Variants in SEMA5A observed in about 807,000 individuals in gnomAD.
SEMA5A encodes the protein semaphorin 5A.
Under a neutral mutation model 135.5 loss-of-function variants are expected in SEMA5A, and 55 were observed. That is an observed-to-expected ratio of 0.41 (90% CI 0.33 to 0.51). SEMA5A has a LOEUF of 0.51. Among genes scored for constraint, SEMA5A ranks in the 20% least tolerant of loss-of-function variants. The pLI is 0.37. For synonymous variants in SEMA5A, 580 were observed against 546.5 expected (o/e 1.06, Z -0.85); for missense variants, 1,290 against 1,419.9 (o/e 0.91, Z 1.47).
At chr5:9,184,530 C>A (rs1744704403) in intron 11 of SEMA5A, among the ~76,000 whole-genome samples, 1 of 152,154 alleles carries the variant, frequency 6.6e-6, no homozygotes, top group Non-Finnish European at 1.5e-5. Flanking sequence ...ATATTTAAAA[C>A]CTTATCTTTT....
Position 9,042,518 on chromosome 5 carries a change from CTA to C in SEMA5A, c.*377_*378del. ...GGAGCAGGTCTTTCAGAGAAAGTGC[CTA>C]TTTTCTTGAATTACAACATCATGAA... On this transcript the variant is annotated 3_prime_UTR_variant, in exon 23 of 23. Transcript: ENST00000382496. 1 of 231,506 alleles carries C rather than the reference CTA, an allele frequency of 4.3e-6. No homozygotes were observed. The highest frequency in any genetic ancestry group is 6.2e-5 in the South Asian group (1 of 16,220). The allele number at this position is 231,506 out of a possible 1,614,324, so 14.3% of individuals were successfully genotyped here.
intron 1 of SEMA5A, among the ~76,000 whole-genome samples, chr5:9,445,394 G>A (rs1758394432): frequency 6.6e-6 from 1 of 151,964 alleles, no homozygotes; most frequent in Admixed American, 6.6e-5. Context: ...AGTGGGCCGG[G>A]CACGGTGGCT....
chr5:9,295,057 C>T (rs1239764438), intron 5 of SEMA5A, among the ~76,000 whole-genome samples: 1 of 152,176 alleles, frequency 6.6e-6, no homozygotes, highest in Non-Finnish European at 1.5e-5. Context: ...TCCAGTGCTT[C>T]TGGGATCGGA....
intron 2 of SEMA5A, among the ~76,000 whole-genome samples, chr5:9,435,979 G>T (rs1366180362): frequency 1.3e-5 from 2 of 152,136 alleles, no homozygotes; most frequent in Non-Finnish European, 1.5e-5. Context: ...TCTTATTCTA[G>T]GGAGGCATGG....
chr5:9,192,787 G>A (rs1448507955), intron 10 of SEMA5A, among the ~76,000 whole-genome samples: 1 of 152,190 alleles, frequency 6.6e-6, no homozygotes, highest in Non-Finnish European at 1.5e-5. Context: ...AATCAGTGGT[G>A]ATACCCAAGT....
chr5:9,465,951 G>A (rs1270395082), intron 1 of SEMA5A, among the ~76,000 whole-genome samples: 1 of 152,230 alleles, frequency 6.6e-6, no homozygotes, highest in Non-Finnish European at 1.5e-5. Flanking sequence ...GAACTTCAGA[G>A]AGACGTCCAG....
intron 1 of SEMA5A, among the ~76,000 whole-genome samples, chr5:9,456,151 C>A (rs550837313): frequency 6.6e-6 from 1 of 152,360 alleles, no homozygotes; most frequent in East Asian, 1.9e-4. Flanking sequence ...TTTCTAGATT[C>A]CCTGAAGAAT....
chr5:9,456,030 C>A (rs1230241039), intron 1 of SEMA5A, among the ~76,000 whole-genome samples: 2 of 152,190 alleles, frequency 1.3e-5, no homozygotes, highest in Non-Finnish European at 2.9e-5. Flanking sequence ...AGAGGAGGTG[C>A]TTAAAAAGAA....
intron 8 of SEMA5A, among the ~76,000 whole-genome samples, chr5:9,212,054 G>A (rs764741728): frequency 5.3e-5 from 8 of 152,200 alleles, no homozygotes; most frequent in East Asian, 1.9e-4. Context: ...ATAAGGCTAC[G>A]TGGATTAGAT....
Position 9,119,016 on chromosome 5 carries a change from C to T in SEMA5A, c.1907G>A (p.Gly636Glu), listed in dbSNP as rs1320953769. Residue 636 changes from glycine (G) to glutamate (E), a missense_variant, in exon 15 of 23, where the codon GGA (glycine) becomes GAA (glutamate). This residue lies in a region of SEMA5A where 1,029 missense variants were observed against 1,086.6 expected (regional missense o/e 0.95). Coordinates refer to ENST00000382496, the MANE Select transcript of SEMA5A (RefSeq NM_003966.3). Reference sequence around the variant, plus strand: ...CACGTACCTTTCCTCGCGGTTCTGTCCCACGCACACCCGGCCCCCGTGCCT... The same window carrying T: ...CACGTACCTTTCCTCGCGGTTCTGTTCCACGCACACCCGGCCCCCGTGCCT... ...TPRHGGRVCVGQNREERYCNE... is the reference protein window; with the variant it reads ...TPRHGGRVCVEQNREERYCNE... 1 of 1,613,440 alleles carries T rather than the reference C, an allele frequency of 6.2e-7. No homozygotes were observed. The highest frequency in any genetic ancestry group is 1.7e-5 in the Admixed American group (1 of 59,992).
At chr5:9,068,586 T>G (rs1370518412) in intron 16 of SEMA5A, among the ~76,000 whole-genome samples, 1 of 152,214 alleles carries the variant, frequency 6.6e-6, no homozygotes, top group Admixed American at 6.5e-5. Context: ...ATAAGCTTCC[T>G]ATCATCTGCT....
intron 11 of SEMA5A, among the ~76,000 whole-genome samples, chr5:9,165,183 C>T (rs148224643): frequency 7.0e-4 from 106 of 152,008 alleles, no homozygotes; most frequent in African/African-American, 2.5e-3. Flanking sequence ...CAAAACACTT[C>T]CAAAACAGAA....
intron 5 of SEMA5A, among the ~76,000 whole-genome samples, chr5:9,289,475 C>T (rs1668419162): frequency 6.6e-6 from 1 of 152,074 alleles, no homozygotes; most frequent in Non-Finnish European, 1.5e-5. Flanking sequence ...AACATCCTGG[C>T]TGACACGGTG....
At chr5:9,403,630 C>A (rs1756759364) in intron 2 of SEMA5A, among the ~76,000 whole-genome samples, 2 of 152,160 alleles carry the variant, frequency 1.3e-5, no homozygotes, top group South Asian at 4.2e-4. Flanking sequence ...ATACCTGCTG[C>A]CACATTATAA....
At chr5:9,219,691 A>G (rs914004141) in intron 8 of SEMA5A, among the ~76,000 whole-genome samples, 2 of 152,146 alleles carry the variant, frequency 1.3e-5, no homozygotes, top group Non-Finnish European at 2.9e-5. Flanking sequence ...TTCCTTTTGG[A>G]CTTTCAGCCT....
chr5:9,512,071 C>G (rs1003487705), intron 1 of SEMA5A: 6 of 152,162 alleles, frequency 3.9e-5, no homozygotes, highest in Admixed American at 3.9e-4. Context: ...GAGAAGTATT[C>G]ATCAGTCTTA....
chr5:9,126,407 A>G (rs973617553), intron 13 of SEMA5A, among the ~76,000 whole-genome samples: 2 of 152,058 alleles, frequency 1.3e-5, no homozygotes, highest in Non-Finnish European at 2.9e-5. Context: ...TGAGGCAGAG[A>G]GTTAGTGGGG....
At chr5:9,055,078 G>T (rs771505946) in intron 18 of SEMA5A, among the ~76,000 whole-genome samples, 1 of 152,152 alleles carries the variant, frequency 6.6e-6, no homozygotes, top group East Asian at 1.9e-4. Context: ...CTGTAGACCC[G>T]CCTGCTGAAT....
intron 9 of SEMA5A, among the ~76,000 whole-genome samples, chr5:9,200,421 T>C (rs940415199): frequency 6.6e-6 from 1 of 152,222 alleles, no homozygotes; most frequent in Admixed American, 6.5e-5. Flanking sequence ...AACCAGACTC[T>C]CCTTGTGCAT....
Sources: gnomAD v4.1 joint callset for allele counts (sites outside exome capture counted in the v4.1 genomes callset) on GRCh38, gnomAD v4.1.1 for gene constraint, gnomAD v4.1.1 regional missense constraint, MANE v1.5 for transcripts, NCBI Gene and HGNC (gene_info 2026-07-23, HGNC 2026-07-21) for gene names.